CLSTN2: variants seen among roughly 807,000 people sequenced by gnomAD.
The protein encoded by CLSTN2 is calsyntenin 2.
CLSTN2 carries 48 observed loss-of-function variants against 101.2 expected under a neutral mutation model. The observed-to-expected ratio is 0.47, with a 90% confidence interval of 0.38 to 0.60. CLSTN2 has a LOEUF of 0.60. CLSTN2 is among the 20% of genes least tolerant of loss of function. The pLI is 0.00. For missense variants in CLSTN2, 1,160 were observed against 1,238.2 expected, an observed-to-expected ratio of 0.94 and a Z score of 0.95; for synonymous variants, 481 against 463.6, an observed-to-expected ratio of 1.04 and a Z score of -0.48.
chr3:140,304,841 T>C (rs1218844730), intron 2 of CLSTN2, among the ~76,000 whole-genome samples: 1 of 152,166 alleles, frequency 6.6e-6, no homozygotes, highest in East Asian at 1.9e-4. Context: ...GTGTGTCATC[T>C]TGGGTAAAAT....
intron 2 of CLSTN2, among the ~76,000 whole-genome samples, chr3:140,391,259 G>A (rs539232790): frequency 2.0e-5 from 3 of 151,260 alleles, no homozygotes; most frequent in African/African-American, 7.3e-5. Flanking sequence ...TCAGGGCAAA[G>A]GATCAAAACA....
At chr3:140,533,127 C>T (rs1226540620) in intron 9 of CLSTN2, among the ~76,000 whole-genome samples, 1 of 152,220 alleles carries the variant, frequency 6.6e-6, no homozygotes, top group Non-Finnish European at 1.5e-5. Flanking sequence ...AATCCCCAAA[C>T]CCAGGCTAAT....
At chr3:140,017,363 T>C (rs1268977133) in intron 1 of CLSTN2, among the ~76,000 whole-genome samples, 1 of 151,810 alleles carries the variant, frequency 6.6e-6, no homozygotes, top group East Asian at 1.9e-4. Flanking sequence ...CACTGAAGGG[T>C]TTTGAAAGCA....
chr3:140,544,983 G>A (rs1284092243), intron 9 of CLSTN2, among the ~76,000 whole-genome samples: 1 of 152,100 alleles, frequency 6.6e-6, no homozygotes, highest in East Asian at 1.9e-4. Context: ...ACAGGAGAAA[G>A]AAAACTATAA....
intron 2 of CLSTN2, among the ~76,000 whole-genome samples, chr3:140,196,448 AGGTT>A (rs1447508884): frequency 6.6e-6 from 1 of 152,240 alleles, no homozygotes; most frequent in East Asian, 1.9e-4. Context: ...TGATCAAACC[AGGTT>A]GCTGGGAGGA....
chr3:140,507,543 C>T (rs961619862), intron 8 of CLSTN2: 6 of 152,174 alleles, frequency 3.9e-5, no homozygotes, highest in Non-Finnish European at 8.8e-5. Context: ...ACCCACCCCT[C>T]GCTTCTGTGC....
At chr3:140,106,023 T>C (rs1321676017) in intron 1 of CLSTN2, among the ~76,000 whole-genome samples, 2 of 152,188 alleles carry the variant, frequency 1.3e-5, no homozygotes, top group African/African-American at 4.8e-5. Flanking sequence ...CTAGGAAAGA[T>C]GGGTGGAGGC....
At chr3:140,159,688 C>T (rs559261113) in intron 1 of CLSTN2, among the ~76,000 whole-genome samples, 1 of 152,088 alleles carries the variant, frequency 6.6e-6, no homozygotes, top group Non-Finnish European at 1.5e-5. Context: ...GAAAACAAGT[C>T]ATTCTACCAA....
intron 1 of CLSTN2, among the ~76,000 whole-genome samples, chr3:140,004,375 G>A (rs2006912573): frequency 6.6e-6 from 1 of 152,142 alleles, no homozygotes; most frequent in African/African-American, 2.4e-5. Context: ...TCTAGGTGAG[G>A]TGCAGGCATT....
At chr3:140,388,767 A>G (rs768616552) in intron 2 of CLSTN2, among the ~76,000 whole-genome samples, 1 of 152,206 alleles carries the variant, frequency 6.6e-6, no homozygotes, top group Non-Finnish European at 1.5e-5. Flanking sequence ...TTCAAGGGCT[A>G]TTAAGTGGTG....
chr3:140,510,978 G>A (rs917713180), intron 8 of CLSTN2, among the ~76,000 whole-genome samples: 7 of 152,208 alleles, frequency 4.6e-5, no homozygotes, highest in African/African-American at 1.2e-4. Flanking sequence ...CTCAGTGTCC[G>A]TTAGCTATTC....
chr3:140,259,133 AT>A (rs2086627947), intron 2 of CLSTN2, among the ~76,000 whole-genome samples: 1 of 148,772 alleles, frequency 6.7e-6, no homozygotes, highest in African/African-American at 2.5e-5. Flanking sequence ...CAAAATTTTA[AT>A]TTTTTTCTTT....
chr3:140,166,130 A>G (rs1388070688), intron 1 of CLSTN2, among the ~76,000 whole-genome samples: 2 of 152,346 alleles, frequency 1.3e-5, no homozygotes, highest in East Asian at 3.9e-4. Flanking sequence ...TGCTGATTGC[A>G]TGAATGCTAG....
chr3:139,937,458 C>T (rs980531196), intron 1 of CLSTN2, among the ~76,000 whole-genome samples: 2 of 151,918 alleles, frequency 1.3e-5, no homozygotes, highest in African/African-American at 4.8e-5. Flanking sequence ...TTTGTCAGGT[C>T]GGGCATGGTG....
intron 8 of CLSTN2, among the ~76,000 whole-genome samples, chr3:140,497,794 T>A (rs1455859775): frequency 6.6e-6 from 1 of 152,200 alleles, no homozygotes; most frequent in Admixed American, 6.5e-5. Context: ...CACAGTTCTG[T>A]GTATCAGACC....
Position 140,023,496 on chromosome 3 carries a change from C to T in CLSTN2, c.109+88013C>T, listed in dbSNP as rs537535311. Among the ~76,000 whole-genome samples, 147 of 152,278 alleles carry T rather than the reference C, an allele frequency of 9.7e-4. 2 individuals are homozygous for T. Among genetic ancestry groups the T allele is most frequent in the African/African-American group, 3.4e-3 (140 of 41,568 alleles). On this transcript the variant is annotated intron_variant, in intron 1 of 16. Transcript: ENST00000458420. Reference sequence around the variant, plus strand: ...ACACACATTGAGAGCAGATGGGAACCTCTGAAACACAGGAACGCACTTTCC... The same window carrying T: ...ACACACATTGAGAGCAGATGGGAACTTCTGAAACACAGGAACGCACTTTCC...
chr3:140,474,065 C>A (rs113164847), intron 8 of CLSTN2, among the ~76,000 whole-genome samples: 1 of 152,138 alleles, frequency 6.6e-6, no homozygotes, highest in Non-Finnish European at 1.5e-5. Context: ...TAAGCCACCA[C>A]GCCTGGCCAA....
At chr3:140,223,688 C>T (rs1410998973) in intron 2 of CLSTN2, among the ~76,000 whole-genome samples, 2 of 152,156 alleles carry the variant, frequency 1.3e-5, no homozygotes, top group Non-Finnish European at 2.9e-5. Context: ...CCTCTGTCTA[C>T]TGTGCTAAAA....
Position 140,558,669 on chromosome 3 carries a change from T to C in CLSTN2, c.1853T>C (p.Ile618Thr). The change falls in exon 12 of 17, where the codon ATC becomes ACC. Residue 618 changes from isoleucine (I) to threonine (T), a missense_variant. Transcript: ENST00000458420. ...QCFGEDVCIS[I>T]PEVDAYVMVL... Reference sequence around the variant, plus strand: ...TTTGGGGAAGACGTATGCATCAGTATCCCTGAGGTAGATGCCTATGTGATG... The same window carrying C: ...TTTGGGGAAGACGTATGCATCAGTACCCCTGAGGTAGATGCCTATGTGATG... The C allele has an allele frequency of 6.2e-7, 1 of 1,613,896 alleles. No homozygotes were observed. The highest frequency in any genetic ancestry group is 8.5e-7 in the Non-Finnish European group (1 of 1,179,956).
Sources: allele counts gnomAD v4.1 joint callset (sites outside exome capture counted in the v4.1 genomes callset), GRCh38; gene constraint gnomAD v4.1.1; transcripts MANE v1.5; gene names NCBI Gene and HGNC (gene_info 2026-07-23, HGNC 2026-07-21).